TTN: variants seen among roughly 807,000 people sequenced by gnomAD.
TTN encodes titin, also known as connectin.
TTN carries 1,525 observed loss-of-function variants against 3,223.0 expected under a neutral mutation model. The observed-to-expected ratio is 0.47, with a 90% confidence interval of 0.45 to 0.49. The LOEUF (loss-of-function observed/expected upper bound fraction) is 0.49. Ranked by LOEUF, TTN falls within the 20% of genes least tolerant of loss-of-function variation. The pLI is 0.00. For missense variants in TTN, 40,786 were observed against 43,424.0 expected (o/e 0.94, Z 5.40); for synonymous variants, 14,094 against 15,161.0 (o/e 0.93, Z 5.17).
chr2:178,587,175 A>G lies in TTN; in HGVS notation c.64036T>C (p.Tyr21346His), dbSNP rs1321825377. The G allele has an allele frequency of 6.2e-7, 1 of 1,613,300 alleles. No homozygotes were observed. Residue 21346 changes from tyrosine to histidine, a missense_variant, in exon 307 of 363, where the codon TAT (tyrosine) becomes CAT (histidine). By Grantham distance (83) the Tyr-to-His change is moderately conservative. Coordinates refer to ENST00000589042, the MANE Select transcript of TTN (RefSeq NM_001267550.2). ...ACATCTGTTGGGACGCCAGGGCCAT[A>G]TTCGTTGACAGCAGTTACTCTGAAG... is the stretch of plus-strand genomic sequence containing the variant. Reference protein sequence around the residue: ...YYFRVTAVNEYGPGVPTDVPK... With the variant: ...YYFRVTAVNEHGPGVPTDVPK...
chr2:178,668,926 G>C (rs1452228353), intron 159 of TTN, among the ~76,000 whole-genome samples: 1 of 151,366 alleles, frequency 6.6e-6, no homozygotes, highest in Non-Finnish European at 1.5e-5. Context: ...GAGTGGCCTT[G>C]TAAACCTAGG....
chr2:178,618,878 C>T (rs768680594), intron 250 of TTN, 25 bp from the exon 251 acceptor site: 27 of 1,600,334 alleles, frequency 1.7e-5, no homozygotes, highest in East Asian at 1.6e-4. Context: ...AACATGTGAA[C>T]GCTTTCGACT....
At position 178,527,734 on chromosome 2, in the gene TTN, G is replaced by T. The variant is rs780544430; in HGVS notation, c.107392C>A (p.Pro35798Thr). Residue 35798 changes from proline (P) to threonine (T), a missense_variant, in exon 362 of 363, where the codon CCT becomes ACT. Pro to Thr is a conservative substitution (Grantham distance 38). Coordinates refer to ENST00000589042, the MANE Select transcript of TTN (RefSeq NM_001267550.2). ...GTTCTCAATACTACCTCTCTGGAAG[G>T]TTCTTCAACTAGAGCTGTGGAGCAT... Reference protein sequence around the residue: ...SLMVLPLVEEPSREVVLRTSG... With the variant: ...SLMVLPLVEETSREVVLRTSG... The T allele has an allele frequency of 2.5e-6, 4 of 1,598,544 alleles. No homozygotes were observed. The highest frequency in any genetic ancestry group is 3.4e-6 in the Non-Finnish European group (4 of 1,170,226).
At position 178,725,428 on chromosome 2, in the gene TTN, T is replaced by C. The variant is rs752400157; in HGVS notation, c.20776A>G (p.Ile6926Val). The C allele has an allele frequency of 6.2e-7, 1 of 1,611,492 alleles. No individual in the cohort carries two copies. The highest frequency in any genetic ancestry group is 2.2e-5 in the East Asian group (1 of 44,778). Residue 6926 changes from isoleucine to valine, a missense_variant, in exon 71 of 363, where the codon ATC (isoleucine) becomes GTC (valine). By Grantham distance (29) the Ile-to-Val change is conservative. Transcript: ENST00000589042. ...CCACCATCATTCTTGATTTGGCAGA[T>C]ATACTTTCCAGCATTAGCTGGCTCT... is the stretch of plus-strand genomic sequence containing the variant. ...KAEPANAGKY[I>V]CQIKNDGGMR... is the part of the protein sequence containing the mutation.
chr2:178,735,021 A>C (rs1480764559), intron 50 of TTN, 33 bp from the exon 51 acceptor site: 2 of 1,496,968 alleles, frequency 1.3e-6, no homozygotes, highest in Non-Finnish European at 1.8e-6. Context: ...AAAAAGGAGA[A>C]GATATCTGAA....
intron 2 of TTN, among the ~76,000 whole-genome samples, chr2:178,802,926 AATC>A (rs758631100): frequency 1.4e-4 from 22 of 152,234 alleles, no homozygotes; most frequent in Non-Finnish European, 2.9e-4. Flanking sequence ...ATAAGAGACT[AATC>A]CAAACCTAGT....
Position 178,604,862 on chromosome 2 carries a change from TCAGTAA to T in TTN, c.54221_54226del (p.Val18074_Thr18075del), listed in dbSNP as rs1166609576. ...CAAGTAGCAAGATTCAGCTTTAATG[TCAGTAA>T]CAGCAAGATTTCTTGGTGGGGATGG... On this transcript the variant is annotated inframe_deletion, in exon 281 of 363. Transcript: ENST00000589042. 2 of 1,612,050 alleles carry T rather than the reference TCAGTAA, an allele frequency of 1.2e-6. No homozygotes were observed. Among genetic ancestry groups the T allele is most frequent in the Admixed American group, 1.7e-5 (1 of 59,834 alleles).
Position 178,553,991 on chromosome 2 carries a change from CTG to C in TTN, c.89118_89119del (p.Tyr29706Ter). 6.2e-7 allele frequency: 1 copy of C among 1,613,190 alleles called. No homozygotes were observed. The highest frequency in any genetic ancestry group is 8.5e-7 in the Non-Finnish European group (1 of 1,179,796). ...TCCAGCAGCGTTTACAGCACAAACT[CTG>C]TATTGATAGTCACTGTTTTCTGTGA... On this transcript the variant is annotated stop_gained and frameshift_variant, in exon 333 of 363. Transcript: ENST00000589042. LOFTEE classifies it high-confidence loss of function.
Position 178,632,308 on chromosome 2 carries a change from C to T in TTN, c.43586G>A (p.Trp14529Ter). The T allele has an allele frequency of 1.2e-6, 2 of 1,608,774 alleles. No individual in the cohort carries two copies. Among genetic ancestry groups the T allele is most frequent in the Non-Finnish European group, 1.7e-6 (2 of 1,177,446 alleles). Residue 14529 changes from tryptophan (W) to a stop codon, truncating the protein, a stop_gained, in exon 236 of 363, where the codon TGG becomes TAG. Coordinates refer to ENST00000589042, the MANE Select transcript of TTN (RefSeq NM_001267550.2). LOFTEE classifies it high-confidence loss of function. ...GTGTAGGCGCTGGTCATTCTTGAAC[C>T]ATTTAACTCGGATGTTATCATGAGA... Reference protein sequence around the residue: ...ELSHDNIRVKWFKNDQRLHTT... With the variant: ...ELSHDNIRVK
intron 15 of TTN, among the ~76,000 whole-genome samples, chr2:178,785,067 C>A (rs77374458): frequency 1.7e-3 from 265 of 152,242 alleles, no homozygotes; most frequent in Non-Finnish European, 3.0e-3. Flanking sequence ...TGTATGCTTA[C>A]TTTCTCCTGA....
At chr2:178,549,962 A>C (rs753368368) in intron 337 of TTN, 24 bp downstream of exon 337, 1 of 1,585,340 alleles carries the variant, frequency 6.3e-7, no homozygotes, top group Non-Finnish European at 8.6e-7. Context: ...AAATTGTAGC[A>C]TTAAGAAGCT....
At chr2:178,793,636 T>G in intron 8 of TTN, 95 bp from the exon 9 acceptor site, 1 of 1,562,912 alleles carries the variant, frequency 6.4e-7, no homozygotes, top group African/African-American at 1.4e-5. Context: ...AATCCTCTAC[T>G]AAAAAATACA....
At position 178,586,786 on chromosome 2, in the gene TTN, T is replaced by C. The variant is rs1186477441; in HGVS notation, c.64115A>G (p.Lys21372Arg). The change falls in exon 308 of 363, where the codon AAA becomes AGA. Residue 21372 changes from lysine to arginine, a missense_variant. Coordinates refer to ENST00000589042, the MANE Select transcript of TTN (RefSeq NM_001267550.2). ...DPLSEPDPPR[K>R]LEVTEMTKNS... ...CTTGGTCATTTCAGTCACTTCTAAT[T>C]TCCTTGGGGGATCCGGCTCACCTAG... 2 of 1,612,478 alleles carry C rather than the reference T, an allele frequency of 1.2e-6. No individual in the cohort carries two copies. Among genetic ancestry groups the C allele is most frequent in the Non-Finnish European group, 1.7e-6 (2 of 1,179,162 alleles).
intron 47 of TTN, chr2:178,746,747 C>A: frequency 6.2e-7 from 1 of 1,613,332 alleles, no homozygotes; most frequent in Non-Finnish European, 8.5e-7. Flanking sequence ...AGATTTATTT[C>A]GATACCATTT....
At position 178,733,016 on chromosome 2, in the gene TTN, C is replaced by G. The variant is rs748155563; in HGVS notation, c.16160G>C (p.Arg5387Thr). The change falls in exon 55 of 363, where the codon AGG (arginine) becomes ACG (threonine). Residue 5387 changes from arginine (R) to threonine (T), a missense_variant. Physicochemically the swap from Arg to Thr is moderately conservative, Grantham distance 71 (BLOSUM62 -1). Transcript: ENST00000589042. ...TTTGCCATCCTTAAACCAGGACACC[C>G]TCATGGGGAGGGAGCCTGCAATTTT... ...DCKIAGSLPMRVSWFKDGKEI... is the reference protein window; with the variant it reads ...DCKIAGSLPMTVSWFKDGKEI... 38 of 1,613,532 alleles carry G rather than the reference C, an allele frequency of 2.4e-5. No individual in the cohort carries two copies. The East Asian group carries it at 6.3e-4, about 27-fold the overall frequency.
chr2:178,565,734 T>C lies in TTN; in HGVS notation c.80398A>G (p.Met26800Val). 3.1e-6 allele frequency: 5 copies of C among 1,613,586 alleles called. No homozygotes were observed. Among genetic ancestry groups the C allele is most frequent in the Non-Finnish European group, 4.2e-6 (5 of 1,179,614 alleles). ...TDVSQTSASL[M>V]WEKPEHDGGS... ...CCATCATGTTCAGGTTTCTCCCACA[T>C]AAGTGATGCACTGGTCTGGGACACA... The change falls in exon 326 of 363, where the codon ATG (methionine) becomes GTG (valine). Residue 26800 changes from methionine to valine, a missense_variant. Coordinates refer to ENST00000589042, the MANE Select transcript of TTN (RefSeq NM_001267550.2).
rs2080869632 is a variant in TTN at position 178,733,248 on chromosome 2, T to C, written c.16045A>G (p.Thr5349Ala). 1.3e-6 allele frequency: 2 copies of C among 1,598,920 alleles called. No individual in the cohort carries two copies. Among genetic ancestry groups the C allele is most frequent in the Admixed American group, 1.7e-5 (1 of 59,072 alleles). ...TTCTAAAAATACTAACCTAATACAG[T>C]GAATGTAGTCTCACAGGAGCTGCTG... ...VGSSSCETTF[T>A]VLDRDIAPFF... is the part of the protein sequence containing the mutation. Residue 5349 changes from threonine (T) to alanine (A), a missense_variant, in exon 54 of 363, where the codon ACT (threonine) becomes GCT (alanine). Thr to Ala is a moderately conservative substitution (Grantham distance 58). Coordinates refer to ENST00000589042, the MANE Select transcript of TTN (RefSeq NM_001267550.2).
rs371910831 is a variant in TTN, at chr2:178,564,485, C to T, written c.81647G>A (p.Arg27216His). The T allele has an allele frequency of 2.5e-5, 41 of 1,611,634 alleles. No homozygotes were observed. Among genetic ancestry groups the T allele is most frequent in the South Asian group, 5.5e-5 (5 of 90,880 alleles). ...IVEKKDLPDGRWMKASFTNVL... is the reference protein window; with the variant it reads ...IVEKKDLPDGHWMKASFTNVL... ...GTTGGTAAAGCTGGCTTTCATCCAG[C>T]GGCCATCAGGTAGATCTTTCTTTTC... The change falls in exon 326 of 363, where the codon CGC becomes CAC. Residue 27216 changes from arginine (R) to histidine (H), a missense_variant. Physicochemically the swap from Arg to His is conservative, Grantham distance 29. Coordinates refer to ENST00000589042, the MANE Select transcript of TTN (RefSeq NM_001267550.2).
rs1228690169 is a variant in TTN at position 178,553,768 on chromosome 2, G to A, written c.89237C>T (p.Ser29746Leu). ...GPPAKIRIAD[S>L]TKSSITLGWS... Reference sequence around the variant, plus strand: ...GCCAAGGGTGATGGATGACTTGGTTGAATCTGCGATTCTTATCTTAGCAGG... The same window carrying A: ...GCCAAGGGTGATGGATGACTTGGTTAAATCTGCGATTCTTATCTTAGCAGG... The change falls in exon 334 of 363, where the codon TCA becomes TTA. Residue 29746 changes from serine to leucine, a missense_variant. Transcript: ENST00000589042. 1.2e-6 allele frequency: 2 copies of A among 1,607,342 alleles called. No homozygotes were observed. Among genetic ancestry groups the A allele is most frequent in the Admixed American group, 1.7e-5 (1 of 59,584 alleles).
Sources: allele counts gnomAD v4.1 joint callset (sites outside exome capture counted in the v4.1 genomes callset), GRCh38; gene constraint gnomAD v4.1.1; transcripts MANE v1.5; gene names NCBI Gene and HGNC (gene_info 2026-07-23, HGNC 2026-07-21).